Variants in ZNF705B observed in about 807,000 individuals in gnomAD.
ZNF705B encodes zinc finger protein 705B, also known as Putative zinc finger protein 705D-like protein LOC100132396.
A neutral mutation model predicts 10.5 loss-of-function variants in ZNF705B; 1 was observed. The observed-to-expected ratio is 0.10, with a 90% CI of 0.03 to 0.45. The LOEUF (loss-of-function observed/expected upper bound fraction) is 0.45. ZNF705B is among the 20% of genes least tolerant of loss of function. The pLI is 0.97. For missense variants in ZNF705B, 14 were observed against 84.0 expected (o/e 0.17, Z 3.26); for synonymous variants, 4 against 25.4 (o/e 0.16, Z 2.53).
chr8:7,929,077 A>C (rs1419423283), intron 1 of ZNF705B, among the ~76,000 whole-genome samples: 3 of 121,598 alleles, frequency 2.5e-5, no homozygotes, highest in East Asian at 2.3e-4. Flanking sequence ...TGTGTACCCC[A>C]AAAACTACTG....
rs9773402 is a variant in ZNF705B, at chr8:7,940,670, C to T, written c.-71-6681C>T. On this transcript the variant is annotated intron_variant, in intron 2 of 6. Coordinates refer to ENST00000400120, the MANE Select transcript of ZNF705B (RefSeq NM_001193630.1). Reference sequence around the variant, plus strand: ...GAGTTTGTCGATTTTAGATTTCAAACACAAGTGAAATAATATAGTAATTGT... The same window carrying T: ...GAGTTTGTCGATTTTAGATTTCAAATACAAGTGAAATAATATAGTAATTGT... Among the ~76,000 whole-genome samples the T allele has an allele frequency of 1.6e-3, 232 of 147,060 alleles. 2 individuals carry two copies. The highest frequency in any genetic ancestry group is 5.6e-3 in the African/African-American group (219 of 39,212).
At position 7,932,710 on chromosome 8, in the gene ZNF705B, T is replaced by G. The variant is rs1388256224; in HGVS notation, c.-72+2274T>G. ...TTGAACTTTTTGAGATTTCGAGTAG[T>G]CCATGTGACATAACTTAACATTGTT... On this transcript the variant is annotated intron_variant, in intron 2 of 6. Transcript: ENST00000400120. Among the ~76,000 whole-genome samples, 2 of 119,654 alleles carry G rather than the reference T, an allele frequency of 1.7e-5. 1 individual carries two copies. Among genetic ancestry groups the G allele is most frequent in the East Asian group, 4.8e-4 (2 of 4,206 alleles). 78.5% of individuals were successfully genotyped at this position (119,654 alleles called of 152,430 possible).
intron 2 of ZNF705B, among the ~76,000 whole-genome samples, chr8:7,937,195 G>A (rs1160988343): frequency 8.5e-6 from 1 of 118,150 alleles, no homozygotes; most frequent in Non-Finnish European, 2.0e-5. Flanking sequence ...GATAGGGACA[G>A]CACTAAGGCT....
rs1181812869 is a variant in ZNF705B at position 7,941,037 on chromosome 8, G to T, written c.-71-6314G>T. 3.3e-5 allele frequency among the ~76,000 whole-genome samples: 5 copies of T among 149,398 alleles called. No individual in the cohort carries two copies. In the South Asian group the frequency reaches 8.8e-4, roughly 26 times the overall value. On this transcript the variant is annotated intron_variant, in intron 2 of 6. Coordinates refer to ENST00000400120, the MANE Select transcript of ZNF705B (RefSeq NM_001193630.1). The stretch of plus-strand genomic sequence containing the variant: ...CATGATCTCATTCCTTTTTATGGCT[G>T]CATAGTATTCCATGGTGTATACGTA...
chr8:7,929,437 G>A (rs1819781894), intron 1 of ZNF705B, among the ~76,000 whole-genome samples: 1 of 120,928 alleles, frequency 8.3e-6, no homozygotes, highest in African/African-American at 2.5e-5. Context: ...ATAAGTGGAT[G>A]AATCCTCAAT....
At chr8:7,928,476 A>G (rs558047783) in intron 1 of ZNF705B, among the ~76,000 whole-genome samples, 1 of 120,718 alleles carries the variant, frequency 8.3e-6, no homozygotes, top group Admixed American at 9.5e-5. Flanking sequence ...AGGTAACCAG[A>G]CAGTGCTTGT....
At position 7,932,352 on chromosome 8, in the gene ZNF705B, T is replaced by G. The variant is rs1819873236; in HGVS notation, c.-72+1916T>G. On this transcript the variant is annotated intron_variant, in intron 2 of 6. Transcript: ENST00000400120. The stretch of plus-strand genomic sequence containing the variant: ...TTGCTGCTGAATTCTAGTGCCCTCT[T>G]TCGTGCCCTCTTCAAGGTATGATTA... Among the ~76,000 whole-genome samples the G allele has an allele frequency of 1.6e-5, 2 of 121,318 alleles. 1 individual carries two copies. The highest frequency in any genetic ancestry group is 1.9e-4 in the Admixed American group (2 of 10,646). 79.6% of individuals were successfully genotyped at this position (121,318 alleles called of 152,430 possible).
chr8:7,942,398 C>A (rs1820180739), intron 2 of ZNF705B, among the ~76,000 whole-genome samples: 1 of 73,800 alleles, frequency 1.4e-5, no homozygotes, highest in Non-Finnish European at 2.9e-5. Flanking sequence ...CTGCATCCTC[C>A]AACTTTTTAT....
intron 1 of ZNF705B, 28 bp downstream of exon 1, chr8:7,926,425 C>T (rs2739880): frequency 0.29 from 33,585 of 115,792 alleles, 7,992 homozygotes; most frequent in Middle Eastern, 0.41. Context: ...CCAACTGGGG[C>T]TAAAGAAGGG....
chr8:7,932,543 G>A (rs1385100500), intron 2 of ZNF705B, among the ~76,000 whole-genome samples: 4 of 121,418 alleles, frequency 3.3e-5, no homozygotes, highest in Admixed American at 9.3e-5. Context: ...ACTCTAAGAA[G>A]TAAATGTTAT....
Position 7,937,679 on chromosome 8 carries a change from A to T in ZNF705B, c.-72+7243A>T, listed in dbSNP as rs546318757. On this transcript the variant is annotated intron_variant, in intron 2 of 6. Coordinates refer to ENST00000400120, the MANE Select transcript of ZNF705B (RefSeq NM_001193630.1). ...ACAGGAATTCAGTAATGCCACAAGGATAATAATCTTATGTCAGTCCCCGAT... is the reference window on the plus strand; with the variant it reads ...ACAGGAATTCAGTAATGCCACAAGGTTAATAATCTTATGTCAGTCCCCGAT... Among the ~76,000 whole-genome samples, 11 of 115,572 alleles carry T rather than the reference A, an allele frequency of 9.5e-5. No homozygotes were observed. The East Asian group carries it at 2.5e-3, about 26-fold the overall frequency. The allele number at this position is 115,572 out of a possible 152,430, so 75.8% of individuals were successfully genotyped here. A position where few individuals can be genotyped will look rare whatever the true frequency, so the allele number is the denominator to read the frequency against.
intron 2 of ZNF705B, among the ~76,000 whole-genome samples, 161 bp downstream of exon 2, chr8:7,930,597 T>A (rs1310852357): frequency 1.1e-4 from 10 of 93,548 alleles, no homozygotes; most frequent in African/African-American, 2.4e-4. Context: ...ATTTTACAAA[T>A]CAGGAGAGAG....
chr8:7,928,272 G>C (rs1465303700), intron 1 of ZNF705B, among the ~76,000 whole-genome samples: 2 of 119,222 alleles, frequency 1.7e-5, no homozygotes, highest in African/African-American at 5.1e-5. Flanking sequence ...CACCACCTTG[G>C]GGGTTGGCAT....
intron 2 of ZNF705B, among the ~76,000 whole-genome samples, chr8:7,931,677 C>T (rs1215262684): frequency 2.2e-4 from 28 of 127,490 alleles, no homozygotes; most frequent in African/African-American, 6.4e-4. Context: ...CCTGAGGATG[C>T]CTGCAGGTGT....
At chr8:7,929,344 A>T (rs1819779605) in intron 1 of ZNF705B, among the ~76,000 whole-genome samples, 1 of 121,580 alleles carries the variant, frequency 8.2e-6, no homozygotes, top group African/African-American at 2.5e-5. Flanking sequence ...AAGAAATAAA[A>T]AATGTTTAAA....
intron 1 of ZNF705B, 112 bp downstream of exon 1, chr8:7,926,509 C>T (rs1215671021): frequency 5.2e-5 from 6 of 115,536 alleles, no homozygotes; most frequent in Admixed American, 3.0e-4. Flanking sequence ...AGATTTCAGC[C>T]TCCACTTTAC....
At chr8:7,931,656 TC>T (rs1819853499) in intron 2 of ZNF705B, among the ~76,000 whole-genome samples, 1 of 123,068 alleles carries the variant, frequency 8.1e-6, no homozygotes, top group African/African-American at 2.5e-5. Flanking sequence ...GGCAGGTGAG[TC>T]CCCAGGTCCC....
chr8:7,927,004 AG>A (rs2128940509), intron 1 of ZNF705B, among the ~76,000 whole-genome samples: 1 of 119,142 alleles, frequency 8.4e-6, no homozygotes, highest in African/African-American at 2.5e-5. Context: ...CTCATATAAA[AG>A]TTATGTCAAC....
chr8:7,928,157 A>C (rs192620171), intron 1 of ZNF705B, among the ~76,000 whole-genome samples: 1,198 of 112,530 alleles, frequency 0.011, 57 homozygotes, highest in African/African-American at 0.03. Flanking sequence ...TGAAAGGTAC[A>C]AACGAGCTCC....
Sources: allele counts gnomAD v4.1 joint callset (sites outside exome capture counted in the v4.1 genomes callset), GRCh38; gene constraint gnomAD v4.1.1; transcripts MANE v1.5; gene names NCBI Gene and HGNC (gene_info 2026-07-23, HGNC 2026-07-21).